Variants in NECTIN4 observed in about 807,000 individuals in gnomAD.
NECTIN4 encodes the protein nectin-4.
Under a neutral mutation model 51.7 loss-of-function variants are expected in NECTIN4, and 19 were observed. The ratio of observed to expected loss-of-function variants is 0.37; its 90% confidence interval spans 0.26 to 0.54. The LOEUF (loss-of-function observed/expected upper bound fraction) is 0.54, where lower values mean the gene tolerates loss of function less well. Among genes scored for constraint, NECTIN4 ranks in the 20% least tolerant of loss-of-function variants. The pLI is 0.86. For synonymous variants in NECTIN4, 283 were observed against 286.9 expected (o/e 0.99, Z 0.14); for missense variants, 619 against 662.4 (o/e 0.93, Z 0.72).
rs150304411 is a variant in NECTIN4, at chr1:161,072,959, A to G, written c.1309-74T>C. On this transcript the variant is annotated intron_variant, in intron 8 of 8. Transcript: ENST00000368012. ...GCACATGGTGGGGCATGGCTGGGTCATGGTGGGATCAGAGGCCAGGCGTAA... is the reference window on the plus strand; with the variant it reads ...GCACATGGTGGGGCATGGCTGGGTCGTGGTGGGATCAGAGGCCAGGCGTAA... 4,546 of 1,448,106 alleles carry G rather than the reference A, an allele frequency of 3.1e-3. 20 individuals carry two copies. The highest frequency in any genetic ancestry group is 4.3e-3 in the Admixed American group (221 of 51,682). 89.7% of individuals were successfully genotyped at this position (1,448,106 alleles called of 1,614,324 possible). A position where few individuals can be genotyped will look rare whatever the true frequency, so the allele number is the denominator to read the frequency against.
rs540231829 is a variant in NECTIN4, at chr1:161,077,853, T to G, written c.440-110A>C. 4 of 981,098 alleles carry G rather than the reference T, an allele frequency of 4.1e-6. No individual in the cohort carries two copies. The South Asian group carries it at 6.8e-5, about 17-fold the overall frequency. 60.8% of individuals were successfully genotyped at this position (981,098 alleles called of 1,614,324 possible). A position where few individuals can be genotyped will look rare whatever the true frequency, so the allele number is the denominator to read the frequency against. ...GTACAAACTTTCAGGCCCCCTTTCC[T>G]TCTCTTATTTCATGGAGACGCAGAT... On this transcript the variant is annotated intron_variant, in intron 2 of 8. Coordinates refer to ENST00000368012, the MANE Select transcript of NECTIN4 (RefSeq NM_030916.3).
intron 1 of NECTIN4, among the ~76,000 whole-genome samples, chr1:161,080,841 G>A (rs1653649989): frequency 6.6e-6 from 1 of 152,234 alleles, no homozygotes; most frequent in Admixed American, 6.5e-5. Flanking sequence ...TCCACTCCCT[G>A]CTCTCATGGG....
intron 1 of NECTIN4, among the ~76,000 whole-genome samples, chr1:161,081,548 T>C (rs1260870001): frequency 1.3e-5 from 2 of 152,026 alleles, no homozygotes; most frequent in Non-Finnish European, 2.9e-5. Context: ...AAGTGAAATA[T>C]GGGGATTGGG....
In NECTIN4 at chr1:161,072,812, A is replaced by G. The variant is rs138601030; in HGVS notation, c.1382T>C (p.Leu461Pro). 57 of 1,614,210 alleles carry G rather than the reference A, an allele frequency of 3.5e-5. No individual in the cohort carries two copies. The East Asian group carries it at 1.2e-3, about 35-fold the overall frequency. Residue 461 changes from leucine to proline, a missense_variant, in exon 9 of 9, where the codon CTG becomes CCG. Leu to Pro is a moderately conservative substitution (Grantham distance 98). Coordinates refer to ENST00000368012, the MANE Select transcript of NECTIN4 (RefSeq NM_030916.3). ...CTCGGCCCGCCCAGAGCCTGGAGAC[A>G]GCAGTTCAGTCTGTGTTTCTATCTC... Reference protein sequence around the residue: ...VREIETQTELLSPGSGRAEEE... With the variant: ...VREIETQTELPSPGSGRAEEE...
chr1:161,072,746 T>C lies in NECTIN4; in HGVS notation c.1448A>G (p.Asn483Ser), dbSNP rs758228134. The C allele has an allele frequency of 1.2e-6, 2 of 1,614,018 alleles. No individual in the cohort carries two copies. Among genetic ancestry groups the C allele is most frequent in the African/African-American group, 1.3e-5 (1 of 74,898 alleles). ...DQDEGIKQAM[N>S]HFVQENGTLR... ...GGTCCCATTCTCCTGAACAAAATGG[T>C]TCATGGCCTGTTTGATGCCTTCATC... The change falls in exon 9 of 9, where the codon AAC (asparagine) becomes AGC (serine). Residue 483 changes from asparagine to serine, a missense_variant. By Grantham distance (46) the Asn-to-Ser change is conservative. This residue lies in a region of NECTIN4 where 364 missense variants were observed against 415.7 expected (regional missense o/e 0.88). Transcript: ENST00000368012.
At position 161,072,834 on chromosome 1, in the gene NECTIN4, T is replaced by G; in HGVS notation, c.1360A>C (p.Ile454Leu). The stretch of plus-strand genomic sequence containing the variant: ...GACAGCAGTTCAGTCTGTGTTTCTA[T>G]CTCCCTCACCGTGGTCAGCGTGGAG... ...SYSTLTTVRE[I>L]ETQTELLSPG... Residue 454 changes from isoleucine to leucine, a missense_variant, in exon 9 of 9, where the codon ATA becomes CTA. Transcript: ENST00000368012. The G allele has an allele frequency of 6.2e-7, 1 of 1,614,202 alleles. No individual in the cohort carries two copies. Among genetic ancestry groups the G allele is most frequent in the South Asian group, 1.1e-5 (1 of 91,082 alleles).
At chr1:161,079,484 C>T in intron 2 of NECTIN4, 106 bp downstream of exon 2, 1 of 1,467,930 alleles carries the variant, frequency 6.8e-7, no homozygotes, top group Non-Finnish European at 9.2e-7. Flanking sequence ...CATGACCCCA[C>T]TTTTTATTCC....
Position 161,089,455 on chromosome 1 carries a change from G to T in NECTIN4, c.-159C>A. The T allele has an allele frequency of 1.5e-6, 1 of 687,990 alleles. No individual in the cohort carries two copies. Among genetic ancestry groups the T allele is most frequent in the Non-Finnish European group, 2.6e-6 (1 of 385,574 alleles). 42.6% of individuals were successfully genotyped at this position (687,990 alleles called of 1,614,324 possible). ...CACTAGGGGACCCAGCCCCAGCCCC[G>T]GCCCCGTTCTACACACCCAGCCGTA... On this transcript the variant is annotated 5_prime_UTR_variant, in exon 1 of 9. Coordinates refer to ENST00000368012, the MANE Select transcript of NECTIN4 (RefSeq NM_030916.3). This position sits in a 1 kb window ranked among gnomAD's most constrained non-coding sequence, Gnocchi z 4.1.
Position 161,073,678 on chromosome 1 carries a change from C to T in NECTIN4, c.1233+42G>A, listed in dbSNP as rs200545797. ...GCCCAGGCACAAGCAGACCCCAATGCGACCACACCCCTGCATGCATACACC... is the reference window on the plus strand; with the variant it reads ...GCCCAGGCACAAGCAGACCCCAATGTGACCACACCCCTGCATGCATACACC... On this transcript the variant is annotated intron_variant, in intron 7 of 8. Coordinates refer to ENST00000368012, the MANE Select transcript of NECTIN4 (RefSeq NM_030916.3). 1.2e-5 allele frequency: 18 copies of T among 1,539,248 alleles called. No individual in the cohort carries two copies. The South Asian group carries it at 1.6e-4, about 13-fold the overall frequency.
intron 1 of NECTIN4, among the ~76,000 whole-genome samples, chr1:161,083,876 A>G (rs1056480439): frequency 3.3e-5 from 5 of 152,192 alleles, no homozygotes; most frequent in African/African-American, 1.2e-4. Flanking sequence ...CTGGGTCTCA[A>G]CTTTCCTTCC....
At chr1:161,082,138 G>A (rs12138659) in intron 1 of NECTIN4, among the ~76,000 whole-genome samples, 1,574 of 152,144 alleles carry the variant, frequency 0.01, 29 homozygotes, top group Non-Finnish European at 0.017. Flanking sequence ...AGACCAGCCT[G>A]GCCAAAATGG....
chr1:161,088,095 G>A (rs2101683366), intron 1 of NECTIN4, among the ~76,000 whole-genome samples: 1 of 152,288 alleles, frequency 6.6e-6, no homozygotes, highest in East Asian at 1.9e-4. Flanking sequence ...CCTACGACTG[G>A]AGGCTGGGCC....
In NECTIN4 at chr1:161,075,074, A is replaced by G. The variant is rs561507107; in HGVS notation, c.852-315T>C. 2.0e-5 allele frequency among the ~76,000 whole-genome samples: 3 copies of G among 152,268 alleles called. No individual in the cohort carries two copies. In the East Asian group the frequency reaches 5.8e-4, roughly 29 times the overall value. On this transcript the variant is annotated intron_variant, in intron 4 of 8. Coordinates refer to ENST00000368012, the MANE Select transcript of NECTIN4 (RefSeq NM_030916.3). ...TGTTATAAAGTCCACACAACAGGACACTCCACTCCTAGCTGGGTGTAGAGG... is the reference window on the plus strand; with the variant it reads ...TGTTATAAAGTCCACACAACAGGACGCTCCACTCCTAGCTGGGTGTAGAGG...
chr1:161,087,475 G>A (rs1035763022), intron 1 of NECTIN4: 5 of 151,094 alleles, frequency 3.3e-5, no homozygotes, highest in Non-Finnish European at 7.4e-5. Flanking sequence ...ACCATGTGAT[G>A]CAGTCACCAT....
At chr1:161,084,753 T>A (rs1352379753) in intron 1 of NECTIN4, 8 of 152,228 alleles carry the variant, frequency 5.3e-5, no homozygotes, top group African/African-American at 1.9e-4. Flanking sequence ...TCCCTGGGAA[T>A]CTCTGTCAGG....
intron 4 of NECTIN4, among the ~76,000 whole-genome samples, chr1:161,075,043 TAC>T (rs1018227100): frequency 1.2e-4 from 8 of 67,058 alleles, no homozygotes; most frequent in African/African-American, 3.8e-4. Context: ...GGGTACCAGG[TAC>T]ACATGTTATA....
intron 1 of NECTIN4, among the ~76,000 whole-genome samples, chr1:161,080,566 A>G (rs1201112742): frequency 1.3e-5 from 2 of 152,170 alleles, no homozygotes; most frequent in African/African-American, 4.8e-5. Context: ...TAGCGCAGGA[A>G]ATGTTCCATG....
Position 161,072,056 on chromosome 1 carries a change from C to G in NECTIN4, c.*605G>C, listed in dbSNP as rs2101654170. On this transcript the variant is annotated 3_prime_UTR_variant, in exon 9 of 9. Coordinates refer to ENST00000368012, the MANE Select transcript of NECTIN4 (RefSeq NM_030916.3). The stretch of plus-strand genomic sequence containing the variant: ...TTCAAGCCTCTGGCTGACCCAGGGA[C>G]TGGCTGCTTCACACTTGCCCCCATG... The G allele has an allele frequency of 5.7e-6, 1 of 174,742 alleles. No homozygotes were observed. The highest frequency in any genetic ancestry group is 5.4e-5 in the Admixed American group (1 of 18,366). 10.8% of individuals were successfully genotyped at this position (174,742 alleles called of 1,614,324 possible).
In NECTIN4 at chr1:161,073,700, C is replaced by A; in HGVS notation, c.1233+20G>T. On this transcript the variant is annotated intron_variant, in intron 7 of 8. Transcript: ENST00000368012. ...ATGCGACCACACCCCTGCATGCATA[C>A]ACCCAACCTTGGCACACACCTGGCT... 1 of 1,610,240 alleles carries A rather than the reference C, an allele frequency of 6.2e-7. No individual in the cohort carries two copies. Among genetic ancestry groups the A allele is most frequent in the Non-Finnish European group, 8.5e-7 (1 of 1,176,412 alleles).
Sources: gnomAD v4.1 joint callset for allele counts (sites outside exome capture counted in the v4.1 genomes callset) on GRCh38, gnomAD v4.1.1 for gene constraint, gnomAD v4.1.1 regional missense constraint, Gnocchi (gnomAD v3.1) non-coding constraint, MANE v1.5 for transcripts, NCBI Gene and HGNC (gene_info 2026-07-23, HGNC 2026-07-21) for gene names.